The following SLCO3A1 variants were observed in gnomAD, a reference collection of about 807,000 sequenced individuals.
SLCO3A1 encodes the protein solute carrier organic anion transporter family member 3A1, also known as PGE1 transporter.
In SLCO3A1, 27 loss-of-function variants were observed where a neutral mutation model predicts 63.1. The ratio of observed to expected loss-of-function variants is 0.43; its 90% CI spans 0.32 to 0.59. The LOEUF is 0.59. SLCO3A1 is among the 20% of genes least tolerant of loss of function. The probability of loss-of-function intolerance (pLI) is 0.09; values close to 1 mark genes in which losing one functional copy is unlikely to be tolerated. For missense variants in SLCO3A1, 773 were observed against 945.8 expected, an observed-to-expected ratio of 0.82 and a Z score of 2.40; for synonymous variants, 473 against 409.9, an observed-to-expected ratio of 1.15 and a Z score of -1.86.
intron 2 of SLCO3A1, among the ~76,000 whole-genome samples, chr15:92,028,144 A>C (rs1278257600): frequency 6.6e-6 from 1 of 152,136 alleles, no homozygotes; most frequent in Non-Finnish European, 1.5e-5. Flanking sequence ...TCTCTTGTGG[A>C]GGAAGAGAGG....
chr15:92,088,836 G>A (rs2047436380), intron 2 of SLCO3A1, among the ~76,000 whole-genome samples: 1 of 151,988 alleles, frequency 6.6e-6, no homozygotes, highest in Admixed American at 6.6e-5. Flanking sequence ...TGTGCCTATG[G>A]GGACTCTGCA....
intron 7 of SLCO3A1, among the ~76,000 whole-genome samples, chr15:92,142,295 G>A (rs769936266): frequency 6.6e-6 from 1 of 152,310 alleles, no homozygotes; most frequent in Non-Finnish European, 1.5e-5. Flanking sequence ...ACACTTTAAA[G>A]TGCATGGCTT....
In SLCO3A1 at chr15:91,864,517, A is replaced by G. The variant is rs566091942; in HGVS notation, c.180+10429A>G. ...TTTTTTTTTTTTTTTTTGTCTAAAT[A>G]GGCTTAATGCTTTCTAAGAGGTACC... On this transcript the variant is annotated intron_variant, in intron 1 of 9. Transcript: ENST00000318445. Among the ~76,000 whole-genome samples the G allele has an allele frequency of 5.7e-5, 8 of 139,648 alleles. 1 individual carries two copies. Among genetic ancestry groups the G allele is most frequent in the Admixed American group, 2.2e-4 (3 of 13,714 alleles). 91.6% of individuals were successfully genotyped at this position (139,648 alleles called of 152,430 possible).
At chr15:91,947,169 A>G (rs139405524) in intron 2 of SLCO3A1, among the ~76,000 whole-genome samples, 386 of 152,294 alleles carry the variant, frequency 2.5e-3, no homozygotes, top group African/African-American at 7.4e-3. Context: ...TCGCTCTTTG[A>G]AATATCCATG....
intron 4 of SLCO3A1, among the ~76,000 whole-genome samples, chr15:92,115,510 TG>T (rs974584457): frequency 9.8e-5 from 15 of 152,292 alleles, no homozygotes; most frequent in Admixed American, 3.9e-4. Flanking sequence ...TTATTCTTAC[TG>T]AGCTCACACC....
At chr15:91,999,653 G>A (rs1381198214) in intron 2 of SLCO3A1, among the ~76,000 whole-genome samples, 1 of 152,238 alleles carries the variant, frequency 6.6e-6, no homozygotes, top group African/African-American at 2.4e-5. Context: ...CTAGCCAGGG[G>A]CAGTGGTGCA....
intron 2 of SLCO3A1, among the ~76,000 whole-genome samples, chr15:92,065,177 G>A (rs558760169): frequency 6.6e-6 from 1 of 152,270 alleles, no homozygotes; most frequent in South Asian, 2.1e-4. Context: ...CTGCCTTCCG[G>A]GTTCAAGCAG....
At chr15:92,035,106 T>C (rs1337030628) in intron 2 of SLCO3A1, among the ~76,000 whole-genome samples, 1 of 151,820 alleles carries the variant, frequency 6.6e-6, no homozygotes, top group Non-Finnish European at 1.5e-5. Context: ...TGTGGGTAGT[T>C]ACTCCAGTGG....
At chr15:92,147,182 C>G in intron 8 of SLCO3A1, 23 bp downstream of exon 8, 1 of 1,595,102 alleles carries the variant, frequency 6.3e-7, no homozygotes, top group Non-Finnish European at 8.5e-7. Flanking sequence ...CACAGCCCCG[C>G]CTCTCCTCCT....
rs1465658011 is a variant in SLCO3A1, at chr15:92,029,955, G to A, written c.647-64926G>A. Among the ~76,000 whole-genome samples the A allele has an allele frequency of 2.6e-5, 4 of 152,086 alleles. No homozygotes were observed. The East Asian group carries it at 5.8e-4, about 22-fold the overall frequency. On this transcript the variant is annotated intron_variant, in intron 2 of 9. Coordinates refer to ENST00000318445, the MANE Select transcript of SLCO3A1 (RefSeq NM_013272.4). ...AATTACCTCGGAGCTGCTAAGAATT[G>A]CAGCCTGCCGGCTCAGTCTGGCTTC...
At position 91,883,887 on chromosome 15, in the gene SLCO3A1, C is replaced by G. The variant is rs1485215720; in HGVS notation, c.180+29799C>G. Among the ~76,000 whole-genome samples the G allele has an allele frequency of 6.6e-6, 1 of 152,190 alleles. No homozygotes were observed. Among genetic ancestry groups the G allele is most frequent in the East Asian group, 1.9e-4 (1 of 5,188 alleles). ...TTTCTTCTGCTGTCCTTTTCATCCT[C>G]ACACTGAGATGCTTGCAGAAACATC... On this transcript the variant is annotated intron_variant, in intron 1 of 9. Transcript: ENST00000318445. This position sits in a 1 kb window ranked among gnomAD's most constrained non-coding sequence, Gnocchi z 4.8.
chr15:91,872,329 G>C lies in SLCO3A1; in HGVS notation c.180+18241G>C, dbSNP rs1337665933. Among the ~76,000 whole-genome samples the C allele has an allele frequency of 2.6e-5, 4 of 152,090 alleles. No homozygotes were observed. Among genetic ancestry groups the C allele is most frequent in the Admixed American group, 2.6e-4 (4 of 15,266 alleles). ...GGGCAGATCACGAGGTCAGGAGTTC[G>C]AGACCAGCCTGGCCAACGTGGTGAA... On this transcript the variant is annotated intron_variant, in intron 1 of 9. Transcript: ENST00000318445. This position sits in a 1 kb window ranked among gnomAD's most constrained non-coding sequence, Gnocchi z 4.1.
At chr15:92,072,011 T>C (rs899502773) in intron 2 of SLCO3A1, among the ~76,000 whole-genome samples, 1 of 152,222 alleles carries the variant, frequency 6.6e-6, no homozygotes, top group African/African-American at 2.4e-5. Flanking sequence ...GGTTCTTCCC[T>C]ATGACGCACT....
At chr15:91,877,820 A>C (rs1897438728) in intron 1 of SLCO3A1, among the ~76,000 whole-genome samples, 1 of 152,152 alleles carries the variant, frequency 6.6e-6, no homozygotes, top group Admixed American at 6.5e-5. Context: ...TGAACCTACA[A>C]AAAAATCTGA....
intron 2 of SLCO3A1, among the ~76,000 whole-genome samples, chr15:92,017,808 G>A (rs2046456348): frequency 6.6e-6 from 1 of 152,152 alleles, no homozygotes; most frequent in African/African-American, 2.4e-5. Context: ...GATCTTGTTT[G>A]GGTGGTGGGG....
At chr15:91,915,875 C>T in intron 1 of SLCO3A1, 118 bp from the exon 2 acceptor site, 1 of 808,150 alleles carries the variant, frequency 1.2e-6, no homozygotes, top group Admixed American at 2.3e-5. Context: ...CACCTGGCAC[C>T]GGAGGCCAGG....
intron 1 of SLCO3A1, among the ~76,000 whole-genome samples, chr15:91,902,198 C>T (rs1898176326): frequency 6.6e-6 from 1 of 151,908 alleles, no homozygotes; most frequent in South Asian, 2.1e-4. Context: ...TTTTCTGTAT[C>T]TCTTTTTTTA....
chr15:92,035,860 G>A (rs1161780538), intron 2 of SLCO3A1, among the ~76,000 whole-genome samples: 1 of 151,854 alleles, frequency 6.6e-6, no homozygotes, highest in Non-Finnish European at 1.5e-5. Context: ...GTAGGGAAAA[G>A]ACAGAAGTTT....
chr15:91,993,069 A>G (rs983847478), intron 2 of SLCO3A1, among the ~76,000 whole-genome samples: 1 of 152,214 alleles, frequency 6.6e-6, no homozygotes, highest in Admixed American at 6.5e-5. Flanking sequence ...CACTGGCTTC[A>G]GTAAGCAGCC....
Sources: gnomAD v4.1 joint callset for allele counts (sites outside exome capture counted in the v4.1 genomes callset) on GRCh38, gnomAD v4.1.1 for gene constraint, Gnocchi (gnomAD v3.1) non-coding constraint, MANE v1.5 for transcripts, NCBI Gene and HGNC (gene_info 2026-07-23, HGNC 2026-07-21) for gene names.